Variants in LRRFIP1 observed in about 807,000 individuals in gnomAD.
The protein encoded by LRRFIP1 is LRR binding FLII interacting protein 1, also known as leucine-rich repeat flightless-interacting protein 1.
LRRFIP1 carries 62 observed loss-of-function variants against 104.4 expected under a neutral mutation model. The ratio of observed to expected loss-of-function variants is 0.59; its 90% CI spans 0.48 to 0.73. The LOEUF is 0.73. Among genes scored for constraint, LRRFIP1 ranks in the 30% least tolerant of loss-of-function variants. The pLI is 0.00. For synonymous variants in LRRFIP1, 300 were observed against 299.0 expected (o/e 1.00, Z -0.03); for missense variants, 796 against 824.5 (o/e 0.97, Z 0.42).
At chr2:237,737,515 A>C (rs1031420087) in intron 10 of LRRFIP1, among the ~76,000 whole-genome samples, 10 of 152,224 alleles carry the variant, frequency 6.6e-5, no homozygotes, top group Non-Finnish European at 8.8e-5. Flanking sequence ...GGAAGGTTTG[A>C]GAGCTGCTTT....
intron 15 of LRRFIP1, among the ~76,000 whole-genome samples, chr2:237,754,538 G>C (rs2059041907): frequency 6.6e-6 from 1 of 151,716 alleles, no homozygotes; most frequent in African/African-American, 2.4e-5. Context: ...GAGATTCTGA[G>C]AAAAACAGAA....
At chr2:237,654,208 G>C (rs1339428457) in intron 1 of LRRFIP1, among the ~76,000 whole-genome samples, 1 of 152,028 alleles carries the variant, frequency 6.6e-6, no homozygotes, top group Non-Finnish European at 1.5e-5. Flanking sequence ...GACCCAAATA[G>C]GCATTTTTCA....
chr2:237,708,202 G>A lies in LRRFIP1; in HGVS notation c.97-342G>A, dbSNP rs147558868. Among the ~76,000 whole-genome samples the A allele has an allele frequency of 9.7e-4, 148 of 152,336 alleles. 2 individuals are homozygous for A. Among genetic ancestry groups the A allele is most frequent in the African/African-American group, 3.5e-3 (144 of 41,588 alleles). ...CCACCTACAGGCTGTGTGACCTTAG[G>A]CAAGTTACTTACCCTCTCTGTGCCT... On this transcript the variant is annotated intron_variant, in intron 1 of 23. Transcript: ENST00000308482.
intron 6 of LRRFIP1, 130 bp from the exon 7 acceptor site, chr2:237,723,418 A>G: frequency 1.1e-6 from 1 of 879,652 alleles, no homozygotes; most frequent in Non-Finnish European, 1.8e-6. Flanking sequence ...GATCCTAGAA[A>G]TTATGGAAAA....
chr2:237,660,894 C>CA (rs2149461948), intron 1 of LRRFIP1, among the ~76,000 whole-genome samples: 1 of 152,248 alleles, frequency 6.6e-6, no homozygotes, highest in South Asian at 2.1e-4. Context: ...TTATATATTC[C>CA]ATCACCTTCA....
chr2:237,719,501 C>T, intron 4 of LRRFIP1, 22 bp from the exon 5 acceptor site: 4 of 1,606,652 alleles, frequency 2.5e-6, no homozygotes, highest in Non-Finnish European at 2.6e-6. Flanking sequence ...CTAACCTTTT[C>T]ATGCTGTTTC....
chr2:237,772,622 C>T (rs2060748255), intron 21 of LRRFIP1: 2 of 569,560 alleles, frequency 3.5e-6, no homozygotes, highest in Non-Finnish European at 3.1e-6. Context: ...GTCTTCTTCA[C>T]TCATAGGCAC....
chr2:237,714,404 C>T lies in LRRFIP1; in HGVS notation c.201+128C>T. 10 of 695,008 alleles carry T rather than the reference C, an allele frequency of 1.4e-5. No homozygotes were observed. The South Asian group carries it at 1.6e-4, about 11-fold the overall frequency. 43.1% of individuals were successfully genotyped at this position (695,008 alleles called of 1,614,324 possible). On this transcript the variant is annotated intron_variant, in intron 3 of 23. Transcript: ENST00000308482. ...GAAGTTCTTACTGTTTATTTTACTA[C>T]TTTGTGTATGAATTTGTTTGAACAA...
At chr2:237,707,601 C>T (rs574185357) in intron 1 of LRRFIP1, among the ~76,000 whole-genome samples, 3 of 152,156 alleles carry the variant, frequency 2.0e-5, no homozygotes, top group Non-Finnish European at 2.9e-5. Flanking sequence ...TGTTTGATAC[C>T]AGAAAACCTG....
At chr2:237,652,628 A>G (rs2086125174) in intron 1 of LRRFIP1, among the ~76,000 whole-genome samples, 1 of 152,272 alleles carries the variant, frequency 6.6e-6, no homozygotes, top group African/African-American at 2.4e-5. Context: ...TCAAAGAGGT[A>G]CTTGTACAGC....
intron 1 of LRRFIP1, among the ~76,000 whole-genome samples, chr2:237,642,053 T>C (rs2084061600): frequency 6.6e-6 from 1 of 152,254 alleles, no homozygotes; most frequent in Non-Finnish European, 1.5e-5. Flanking sequence ...AGGGTCAGCA[T>C]TGGGTGCTGC....
chr2:237,690,545 T>A (rs1044573818), intron 1 of LRRFIP1, among the ~76,000 whole-genome samples: 5 of 152,100 alleles, frequency 3.3e-5, no homozygotes, highest in African/African-American at 1.2e-4. Flanking sequence ...GAAACCAGGC[T>A]GGCTAACATG....
intron 1 of LRRFIP1, among the ~76,000 whole-genome samples, chr2:237,702,115 G>A (rs1305843441): frequency 1.3e-5 from 2 of 152,118 alleles, no homozygotes; most frequent in South Asian, 2.1e-4. Context: ...CATTTGTTTC[G>A]GAGGCCCTGG....
chr2:237,779,386 G>A, intron 23 of LRRFIP1, 36 bp from the exon 24 acceptor site: 1 of 1,605,194 alleles, frequency 6.2e-7, no homozygotes, highest in Non-Finnish European at 8.5e-7. Context: ...GAGGAAACAA[G>A]TTCCTTAAAG....
In LRRFIP1 at chr2:237,763,838, G is replaced by C. The variant is rs775933464; in HGVS notation, c.1459+3633G>C. The C allele has an allele frequency of 3.1e-6, 5 of 1,614,170 alleles. No individual in the cohort carries two copies. The South Asian group carries it at 5.5e-5, about 18-fold the overall frequency. On this transcript the variant is annotated intron_variant, in intron 19 of 23. Transcript: ENST00000308482. ...TGCAAAAGATAATGCTAAAATAGATGGTGCCACTCAAAGCAGTCCTGCAGA... is the reference window on the plus strand; with the variant it reads ...TGCAAAAGATAATGCTAAAATAGATCGTGCCACTCAAAGCAGTCCTGCAGA...
intron 11 of LRRFIP1, among the ~76,000 whole-genome samples, chr2:237,739,810 AT>A (rs1386206133): frequency 3.3e-5 from 5 of 152,184 alleles, no homozygotes; most frequent in African/African-American, 1.2e-4. Context: ...CTATTAGGTC[AT>A]CCCCAGCTTG....
chr2:237,689,309 C>T (rs2092612918), intron 1 of LRRFIP1, among the ~76,000 whole-genome samples: 1 of 152,148 alleles, frequency 6.6e-6, no homozygotes, highest in South Asian at 2.1e-4. Context: ...ATTCAACTTA[C>T]AGTATAGACT....
intron 1 of LRRFIP1, among the ~76,000 whole-genome samples, chr2:237,651,279 T>C (rs1575150469): frequency 6.6e-6 from 1 of 152,332 alleles, no homozygotes; most frequent in Non-Finnish European, 1.5e-5. Context: ...AGGTGCAGGG[T>C]CACCTCGCTT....
At chr2:237,764,082 A>G in intron 19 of LRRFIP1, 1 of 1,614,210 alleles carries the variant, frequency 6.2e-7, no homozygotes, top group Non-Finnish European at 8.5e-7. Context: ...GAAAGCAGAG[A>G]AGATACCAGA....
Sources: gnomAD v4.1 joint callset for allele counts (sites outside exome capture counted in the v4.1 genomes callset) on GRCh38, gnomAD v4.1.1 for gene constraint, MANE v1.5 for transcripts, NCBI Gene and HGNC (gene_info 2026-07-23, HGNC 2026-07-21) for gene names.